The following CREB3L1 variants were observed in gnomAD, a reference collection of about 807,000 sequenced individuals.
CREB3L1 encodes cyclic AMP-responsive element-binding protein 3-like protein 1.
A neutral mutation model predicts 54.5 loss-of-function variants in CREB3L1; 33 were observed. The observed-to-expected ratio is 0.61, with a 90% confidence interval of 0.46 to 0.81. CREB3L1 has a LOEUF of 0.81. Among genes scored for constraint, CREB3L1 ranks in the 30% least tolerant of loss-of-function variants. The probability of loss-of-function intolerance (pLI) is 0.00; values close to 1 mark genes in which losing one functional copy is unlikely to be tolerated. For missense variants in CREB3L1, 656 were observed against 673.3 expected (o/e 0.97, Z 0.29); for synonymous variants, 284 against 286.4 (o/e 0.99, Z 0.08).
chr11:46,297,881 G>C (rs1209808716), intron 1 of CREB3L1, among the ~76,000 whole-genome samples: 1 of 152,166 alleles, frequency 6.6e-6, no homozygotes, highest in African/African-American at 2.4e-5. Context: ...AACTAACAAT[G>C]ATCGAGCATT....
At chr11:46,280,674 T>C (rs937560019) in intron 1 of CREB3L1, among the ~76,000 whole-genome samples, 1 of 152,190 alleles carries the variant, frequency 6.6e-6, no homozygotes, top group African/African-American at 2.4e-5. Context: ...ATAGTGAGAA[T>C]TGCTCAGCTA....
Position 46,278,891 on chromosome 11 carries a change from CTA to C in CREB3L1, c.102+680_102+681del, listed in dbSNP as rs1251025390. Among the ~76,000 whole-genome samples the C allele has an allele frequency of 1.3e-5, 2 of 152,192 alleles. No individual in the cohort carries two copies. The highest frequency in any genetic ancestry group is 2.9e-5 in the Non-Finnish European group (2 of 68,008). On this transcript the variant is annotated intron_variant, in intron 1 of 11. Coordinates refer to ENST00000621158, the MANE Select transcript of CREB3L1 (RefSeq NM_052854.4). The surrounding 1 kb of genome is among the most constrained non-coding windows in gnomAD (Gnocchi z 4.2). Reference sequence around the variant, plus strand: ...AGTCTGGCTGACTTTCTCCCTCTCCCTATGTCTTCTTGACTAGGTCCGACTGT... The same window carrying C: ...AGTCTGGCTGACTTTCTCCCTCTCCCTGTCTTCTTGACTAGGTCCGACTGT...
At position 46,300,047 on chromosome 11, in the gene CREB3L1, A is replaced by C; in HGVS notation, c.215A>C (p.Asp72Ala). Residue 72 changes from aspartate to alanine, a missense_variant, in exon 2 of 12, where the codon GAC (aspartate) becomes GCC (alanine). Around this residue, in one of 3 missense-constraint regions of CREB3L1, gnomAD observed 339 missense variants for 331.5 expected, o/e 1.02. Coordinates refer to ENST00000621158, the MANE Select transcript of CREB3L1 (RefSeq NM_052854.4). ...CTGGATGAGAAGAGCCCTCTATTGG[A>C]CATGGAACTGGACTCCCCTACGCCA... is the stretch of plus-strand genomic sequence containing the variant. ...PVLDEKSPLL[D>A]MELDSPTPGI... is the part of the protein sequence containing the mutation. 1 of 1,613,914 alleles carries C rather than the reference A, an allele frequency of 6.2e-7. No individual in the cohort carries two copies. The highest frequency in any genetic ancestry group is 8.5e-7 in the Non-Finnish European group (1 of 1,179,852).
intron 1 of CREB3L1, among the ~76,000 whole-genome samples, chr11:46,291,935 C>G (rs1008979290): frequency 6.6e-6 from 1 of 152,226 alleles, no homozygotes; most frequent in Non-Finnish European, 1.5e-5. Flanking sequence ...GCTGAGTACA[C>G]TGAGGAGAGG....
At chr11:46,309,897 C>A in intron 3 of CREB3L1, 92 bp from the exon 4 acceptor site, 8 of 1,015,134 alleles carry the variant, frequency 7.9e-6, no homozygotes, top group Non-Finnish European at 1.2e-5. Flanking sequence ...CTGTGCAGGG[C>A]AGGCAACCAG....
chr11:46,299,905 C>T, intron 1 of CREB3L1, 30 bp from the exon 2 acceptor site: 2 of 1,558,330 alleles, frequency 1.3e-6, no homozygotes, highest in Non-Finnish European at 1.8e-6. Context: ...AAGCTGAATT[C>T]CCTCTTCCCC....
At position 46,317,468 on chromosome 11, in the gene CREB3L1, C is replaced by T. The variant is rs748629268; in HGVS notation, c.1239C>T (p.Gly413=). 1.1e-5 allele frequency: 18 copies of T among 1,610,924 alleles called. No individual in the cohort carries two copies. Among genetic ancestry groups the T allele is most frequent in the South Asian group, 5.5e-5 (5 of 91,084 alleles). The change falls in exon 10 of 12, where the codon GGC becomes GGT. Residue 413 remains glycine (G), a synonymous_variant. Coordinates refer to ENST00000621158, the MANE Select transcript of CREB3L1 (RefSeq NM_052854.4). ...TVKEDPLAAD[G]VYTASQMPSR... ...AGGAAGACCCCCTGGCCGCAGACGGCGTCTACACGGCCAGCCAGAGTGAGT... is the reference window on the plus strand; with the variant it reads ...AGGAAGACCCCCTGGCCGCAGACGGTGTCTACACGGCCAGCCAGAGTGAGT...
At chr11:46,282,961 G>C (rs779600853) in intron 1 of CREB3L1, among the ~76,000 whole-genome samples, 1 of 152,164 alleles carries the variant, frequency 6.6e-6, no homozygotes, top group Non-Finnish European at 1.5e-5. Context: ...ACCAAGGTAG[G>C]AGGATTGCTT....
chr11:46,301,582 G>A (rs1939302798), intron 2 of CREB3L1, among the ~76,000 whole-genome samples: 1 of 151,908 alleles, frequency 6.6e-6, no homozygotes, highest in Non-Finnish European at 1.5e-5. Context: ...AGAATCACTT[G>A]AACCTGGGAG....
intron 4 of CREB3L1, among the ~76,000 whole-genome samples, chr11:46,310,357 T>A (rs1393991044): frequency 6.6e-6 from 1 of 151,874 alleles, no homozygotes. Context: ...AACCTCCCCA[T>A]CCCAGGTTCA....
intron 2 of CREB3L1, among the ~76,000 whole-genome samples, chr11:46,303,407 A>G (rs1324249353): frequency 6.6e-6 from 1 of 151,924 alleles, no homozygotes; most frequent in African/African-American, 2.4e-5. Flanking sequence ...CACTTTGGGA[A>G]GCCGAGGCAG....
intron 1 of CREB3L1, among the ~76,000 whole-genome samples, chr11:46,291,337 A>G (rs776000597): frequency 2.6e-5 from 4 of 152,222 alleles, no homozygotes. Flanking sequence ...GTCCTGCATT[A>G]TATAAAGCAC....
intron 2 of CREB3L1, among the ~76,000 whole-genome samples, chr11:46,304,874 AG>A (rs1410559239): frequency 6.6e-6 from 1 of 152,134 alleles, no homozygotes; most frequent in African/African-American, 2.4e-5. Context: ...CTATTTTTAA[AG>A]CAATTTGTCT....
intron 1 of CREB3L1, among the ~76,000 whole-genome samples, chr11:46,288,999 T>C (rs1267095049): frequency 1.3e-5 from 2 of 152,210 alleles, no homozygotes; most frequent in African/African-American, 4.8e-5. Context: ...GCCTGGTACA[T>C]AAATATTCGC....
rs377726198 is a variant in CREB3L1, at chr11:46,311,881, A to C, written c.754-444A>C. ...CTAGAACTTGACATTCCTGACCTCC[A>C]GGGGATGACCCAGGCTGCCTCCAAG... On this transcript the variant is annotated intron_variant, in intron 5 of 11. Transcript: ENST00000621158. 5.1e-4 allele frequency among the ~76,000 whole-genome samples: 78 copies of C among 152,304 alleles called. 1 individual carries two copies. The South Asian group carries it at 0.016, about 31-fold the overall frequency.
intron 1 of CREB3L1, among the ~76,000 whole-genome samples, chr11:46,288,970 T>C (rs1566181107): frequency 6.6e-6 from 1 of 152,242 alleles, no homozygotes; most frequent in Non-Finnish European, 1.5e-5. Flanking sequence ...AGATACTACA[T>C]GCAGGAAGTT....
At chr11:46,289,730 C>T (rs1939105284) in intron 1 of CREB3L1, among the ~76,000 whole-genome samples, 1 of 152,226 alleles carries the variant, frequency 6.6e-6, no homozygotes, top group African/African-American at 2.4e-5. Context: ...GTCCATCCAA[C>T]TAGCCTGGAG....
At chr11:46,309,492 T>G (rs889072352) in intron 3 of CREB3L1, among the ~76,000 whole-genome samples, 1 of 152,244 alleles carries the variant, frequency 6.6e-6, no homozygotes, top group Admixed American at 6.5e-5. Flanking sequence ...GAGCTCTCAT[T>G]GCCTCCAACT....
At chr11:46,316,181 C>T (rs1939563030) in intron 8 of CREB3L1, 105 bp from the exon 9 acceptor site, 2 of 689,606 alleles carry the variant, frequency 2.9e-6, no homozygotes, top group African/African-American at 3.6e-5. Flanking sequence ...GAAACGGGCA[C>T]CTGGCGTGGA....
Sources: allele counts gnomAD v4.1 joint callset (sites outside exome capture counted in the v4.1 genomes callset), GRCh38; gene constraint gnomAD v4.1.1; regional missense constraint gnomAD v4.1.1; non-coding constraint Gnocchi (gnomAD v3.1); transcripts MANE v1.5; gene names NCBI Gene and HGNC (gene_info 2026-07-23, HGNC 2026-07-21).